Variants in DERA observed in about 807,000 individuals in gnomAD.
DERA encodes 2-deoxy-D-ribose 5-phosphate aldolase.
A neutral mutation model predicts 41.1 loss-of-function variants in DERA; 15 were observed. That is an observed-to-expected ratio of 0.37 (90% CI 0.24 to 0.56). The LOEUF is 0.56. Among genes scored for constraint, DERA ranks in the 20% least tolerant of loss-of-function variants. DERA has a pLI of 0.81. For synonymous variants in DERA, 139 were observed against 137.4 expected (o/e 1.01, Z -0.08); for missense variants, 396 against 403.4 (o/e 0.98, Z 0.16).
At position 15,924,655 on chromosome 12, in the gene DERA, A is replaced by G. The variant is rs1781645124; in HGVS notation, c.31+13241A>G. Among the ~76,000 whole-genome samples the G allele has an allele frequency of 6.6e-6, 1 of 152,212 alleles. No homozygotes were observed. The highest frequency in any genetic ancestry group is 1.5e-5 in the Non-Finnish European group (1 of 68,036). On this transcript the variant is annotated intron_variant, in intron 1 of 8. Coordinates refer to ENST00000428559, the MANE Select transcript of DERA (RefSeq NM_015954.4). This position sits in a 1 kb window ranked among gnomAD's most constrained non-coding sequence, Gnocchi z 5.0. The stretch of plus-strand genomic sequence containing the variant: ...TTAGTGAGACTATTAAGTGAGATAT[A>G]TAATTAAATTACCTTTAACTTGATG...
chr12:15,971,868 G>A (rs1470587003), intron 5 of DERA: 1 of 313,016 alleles, frequency 3.2e-6, no homozygotes, highest in Non-Finnish European at 6.3e-6. Flanking sequence ...AGTGAACAAG[G>A]CCAGCAGATT....
chr12:15,978,995 A>C (rs1366722594), intron 5 of DERA, among the ~76,000 whole-genome samples: 1 of 152,222 alleles, frequency 6.6e-6, no homozygotes, highest in African/African-American at 2.4e-5. Context: ...TTTAGAGTTA[A>C]GTAACTTACC....
chr12:15,911,658 A>T lies in DERA; in HGVS notation c.31+244A>T, dbSNP rs765928610. 1.4e-6 allele frequency: 1 copy of T among 692,324 alleles called. No homozygotes were observed. Among genetic ancestry groups the T allele is most frequent in the South Asian group, 1.5e-5 (1 of 66,662 alleles). The allele number at this position is 692,324 out of a possible 1,614,324, so 42.9% of individuals were successfully genotyped here. ...TGCGGAAGGAGTAGGAAAGGGTTAGATTATTATCTTCCTGCCTTTTCGTTC... is the reference window on the plus strand; with the variant it reads ...TGCGGAAGGAGTAGGAAAGGGTTAGTTTATTATCTTCCTGCCTTTTCGTTC... On this transcript the variant is annotated intron_variant, in intron 1 of 8. Transcript: ENST00000428559. The surrounding 1 kb of genome is among the most constrained non-coding windows in gnomAD (Gnocchi z 4.5).
At position 16,016,791 on chromosome 12, in the gene DERA, CAAAAAAAAAAA is replaced by C. The variant is rs55996641; in HGVS notation, c.638-15734_638-15724del. 5.3e-4 allele frequency among the ~76,000 whole-genome samples: 31 copies of C among 58,674 alleles called. 1 individual carries two copies. In the South Asian group the frequency reaches 7.4e-3, roughly 14 times the overall value. 38.5% of individuals were successfully genotyped at this position (58,674 alleles called of 152,430 possible). A position where few individuals can be genotyped will look rare whatever the true frequency, so the allele number is the denominator to read the frequency against. On this transcript the variant is annotated intron_variant, in intron 6 of 8. Coordinates refer to ENST00000428559, the MANE Select transcript of DERA (RefSeq NM_015954.4). Reference sequence around the variant, plus strand: ...TGGGCGACAGAGTGAGACCCTGTCTCAAAAAAAAAAAAAAAAAAAAAAAAAAAGAAAGAAAG... The same window carrying C: ...TGGGCGACAGAGTGAGACCCTGTCTCAAAAAAAAAAAAAAAAGAAAGAAAG...
At chr12:15,930,593 T>A (rs1948320362) in intron 1 of DERA, among the ~76,000 whole-genome samples, 1 of 152,180 alleles carries the variant, frequency 6.6e-6, no homozygotes, top group Non-Finnish European at 1.5e-5. Context: ...AACACTTTTT[T>A]GTCGTTGCCA....
At chr12:16,027,074 A>G (rs1949058273) in intron 6 of DERA, among the ~76,000 whole-genome samples, 1 of 152,242 alleles carries the variant, frequency 6.6e-6, no homozygotes, top group Non-Finnish European at 1.5e-5. Context: ...CTGACAAGGC[A>G]TCTGACAAAT....
At position 15,911,573 on chromosome 12, in the gene DERA, A is replaced by G; in HGVS notation, c.31+159A>G. 2.6e-6 allele frequency: 2 copies of G among 780,742 alleles called. No individual in the cohort carries two copies. The highest frequency in any genetic ancestry group is 1.5e-5 in the South Asian group (1 of 65,238). The allele number at this position is 780,742 out of a possible 1,614,324, so 48.4% of individuals were successfully genotyped here. On this transcript the variant is annotated intron_variant, in intron 1 of 8. Coordinates refer to ENST00000428559, the MANE Select transcript of DERA (RefSeq NM_015954.4). This position sits in a 1 kb window ranked among gnomAD's most constrained non-coding sequence, Gnocchi z 4.5. ...CGTCTGGTCAGCCCTCACCCCAAGTAAAGGCCGAACCCGGCACGTTCGCGC... is the reference window on the plus strand; with the variant it reads ...CGTCTGGTCAGCCCTCACCCCAAGTGAAGGCCGAACCCGGCACGTTCGCGC...
intron 6 of DERA, among the ~76,000 whole-genome samples, chr12:15,986,895 G>A (rs934727972): frequency 1.0e-3 from 155 of 152,076 alleles, no homozygotes; most frequent in African/African-American, 3.6e-3. Context: ...GGTTTTATTC[G>A]TCTGAAAATG....
rs968344198 is a variant in DERA, at chr12:15,970,473, G to C, written c.508+7526G>C. ...CAGAATACTTAGCAGATTGCCAGCC[G>C]CTTCAAAATTGAGAAGATACCGTCC... On this transcript the variant is annotated intron_variant, in intron 5 of 8. Transcript: ENST00000428559. The surrounding 1 kb of genome is among the most constrained non-coding windows in gnomAD (Gnocchi z 4.3). Among the ~76,000 whole-genome samples, 1 of 152,076 alleles carries C rather than the reference G, an allele frequency of 6.6e-6. No individual in the cohort carries two copies. The highest frequency in any genetic ancestry group is 2.4e-5 in the African/African-American group (1 of 41,416).
In DERA at chr12:15,957,516, G is replaced by A. The variant is rs186244181; in HGVS notation, c.129+483G>A. ...AAATGATGTTTCGTAGAGTACTTGCGGTCAGCATTTTCTTCAGTGTATCCC... is the reference window on the plus strand; with the variant it reads ...AAATGATGTTTCGTAGAGTACTTGCAGTCAGCATTTTCTTCAGTGTATCCC... On this transcript the variant is annotated intron_variant, in intron 2 of 8. Coordinates refer to ENST00000428559, the MANE Select transcript of DERA (RefSeq NM_015954.4). The surrounding 1 kb of genome is among the most constrained non-coding windows in gnomAD (Gnocchi z 4.8). Among the ~76,000 whole-genome samples, 155 of 152,146 alleles carry A rather than the reference G, an allele frequency of 1.0e-3. 2 individuals carry two copies. The East Asian group carries it at 0.027, about 26-fold the overall frequency.
In DERA at chr12:16,036,423, T is replaced by C; in HGVS notation, c.900+42T>C. The C allele has an allele frequency of 6.5e-7, 1 of 1,549,540 alleles. No individual in the cohort carries two copies. Among genetic ancestry groups the C allele is most frequent in the South Asian group, 1.2e-5 (1 of 81,246 alleles). ...GTCTTTGGAATAAATTAACAAGTGT[T>C]TTTTGAGAAAGGAATTGAAAAGTCA... On this transcript the variant is annotated intron_variant, in intron 8 of 8. Coordinates refer to ENST00000428559, the MANE Select transcript of DERA (RefSeq NM_015954.4). This position sits in a 1 kb window ranked among gnomAD's most constrained non-coding sequence, Gnocchi z 4.9.
chr12:15,943,811 G>A lies in DERA; in HGVS notation c.32-13125G>A, dbSNP rs1948426138. 1.3e-5 allele frequency among the ~76,000 whole-genome samples: 2 copies of A among 151,418 alleles called. No homozygotes were observed. The highest frequency in any genetic ancestry group is 2.4e-5 in the African/African-American group (1 of 41,238). On this transcript the variant is annotated intron_variant, in intron 1 of 8. Coordinates refer to ENST00000428559, the MANE Select transcript of DERA (RefSeq NM_015954.4). This position sits in a 1 kb window ranked among gnomAD's most constrained non-coding sequence, Gnocchi z 4.5. ...TGTTACATGTGTATACATGTGCCATGTTGGTGTGCTGTAGCCATTAACTCG... is the reference window on the plus strand; with the variant it reads ...TGTTACATGTGTATACATGTGCCATATTGGTGTGCTGTAGCCATTAACTCG...
intron 5 of DERA, among the ~76,000 whole-genome samples, chr12:15,979,804 A>G (rs1386227317): frequency 6.6e-6 from 1 of 152,244 alleles, no homozygotes; most frequent in Admixed American, 6.5e-5. Flanking sequence ...TGACTGAATC[A>G]TAAAATACCT....
Position 15,998,167 on chromosome 12 carries a change from A to G in DERA, c.637+15731A>G, listed in dbSNP as rs1298474978. On this transcript the variant is annotated intron_variant, in intron 6 of 8. Coordinates refer to ENST00000428559, the MANE Select transcript of DERA (RefSeq NM_015954.4). The surrounding 1 kb of genome is among the most constrained non-coding windows in gnomAD (Gnocchi z 4.8). ...TCTTCCTACCAGAGATTGTGATTTC[A>G]GGGGTCATGAACGGAGCCAAGGAAA... 1.3e-5 allele frequency among the ~76,000 whole-genome samples: 2 copies of G among 152,194 alleles called. No homozygotes were observed. Among genetic ancestry groups the G allele is most frequent in the Non-Finnish European group, 2.9e-5 (2 of 68,030 alleles).
rs1948955320 is a variant in DERA at position 16,012,796 on chromosome 12, A to T, written c.638-19746A>T. Among the ~76,000 whole-genome samples the T allele has an allele frequency of 6.6e-6, 1 of 152,240 alleles. No homozygotes were observed. The highest frequency in any genetic ancestry group is 6.5e-5 in the Admixed American group (1 of 15,280). On this transcript the variant is annotated intron_variant, in intron 6 of 8. Coordinates refer to ENST00000428559, the MANE Select transcript of DERA (RefSeq NM_015954.4). This position sits in a 1 kb window ranked among gnomAD's most constrained non-coding sequence, Gnocchi z 4.1. Reference sequence around the variant, plus strand: ...TTGAACAGATATATTTAATTTAAAAATTTTTAATAACCACATTAATTAAAT... The same window carrying T: ...TTGAACAGATATATTTAATTTAAAATTTTTTAATAACCACATTAATTAAAT...
Position 15,936,886 on chromosome 12 carries a change from T to TTGTCCTGTCC in DERA, c.32-20010_32-20001dup, listed in dbSNP as rs71438363. ...TTGTCTTGTCTTGTCTTGTCTTGTCTTGTCCTGTCCTGTCCTGTCCTGTCC... is the reference window on the plus strand; with the variant it reads ...TTGTCTTGTCTTGTCTTGTCTTGTCTTGTCCTGTCCTGTCCTGTCCTGTCCTGTCCTGTCC... On this transcript the variant is annotated intron_variant, in intron 1 of 8. Coordinates refer to ENST00000428559, the MANE Select transcript of DERA (RefSeq NM_015954.4). The surrounding 1 kb of genome is among the most constrained non-coding windows in gnomAD (Gnocchi z 4.6). 7.7e-4 allele frequency among the ~76,000 whole-genome samples: 106 copies of TTGTCCTGTCC among 136,930 alleles called. No individual in the cohort carries two copies. Among genetic ancestry groups the TTGTCCTGTCC allele is most frequent in the African/African-American group, 3.1e-3 (97 of 31,270 alleles). 89.8% of individuals were successfully genotyped at this position (136,930 alleles called of 152,430 possible). A position where few individuals can be genotyped will look rare whatever the true frequency, so the allele number is the denominator to read the frequency against.
rs1009386369 is a variant in DERA at position 15,940,958 on chromosome 12, A to G, written c.32-15978A>G. Among the ~76,000 whole-genome samples, 4 of 152,258 alleles carry G rather than the reference A, an allele frequency of 2.6e-5. No homozygotes were observed. Among genetic ancestry groups the G allele is most frequent in the African/African-American group, 9.6e-5 (4 of 41,468 alleles). The stretch of plus-strand genomic sequence containing the variant: ...TTGAAAAACATTTTGTGCAAATTGC[A>G]GATAATCAACTTTCCTGAGAAATGG... On this transcript the variant is annotated intron_variant, in intron 1 of 8. Coordinates refer to ENST00000428559, the MANE Select transcript of DERA (RefSeq NM_015954.4). The surrounding 1 kb of genome is among the most constrained non-coding windows in gnomAD (Gnocchi z 5.1).
rs775100799 is a variant in DERA at position 16,019,730 on chromosome 12, G to T, written c.638-12812G>T. On this transcript the variant is annotated intron_variant, in intron 6 of 8. Transcript: ENST00000428559. The surrounding 1 kb of genome is among the most constrained non-coding windows in gnomAD (Gnocchi z 4.4). Reference sequence around the variant, plus strand: ...TCCATCTGTTCCATGAAGCCTTCCCGTATTATTCTAGCTAAAGTTATTTCT... The same window carrying T: ...TCCATCTGTTCCATGAAGCCTTCCCTTATTATTCTAGCTAAAGTTATTTCT... Among the ~76,000 whole-genome samples the T allele has an allele frequency of 1.1e-4, 17 of 152,010 alleles. No individual in the cohort carries two copies. The highest frequency in any genetic ancestry group is 4.1e-4 in the South Asian group (2 of 4,824).
At position 16,036,259 on chromosome 12, in the gene DERA, C is replaced by T. The variant is rs75505542; in HGVS notation, c.778C>T (p.Arg260Cys). The change falls in exon 8 of 9, where the codon CGC becomes TGC. Residue 260 changes from arginine to cysteine, a missense_variant. Coordinates refer to ENST00000428559, the MANE Select transcript of DERA (RefSeq NM_015954.4). The surrounding 1 kb of genome is among the most constrained non-coding windows in gnomAD (Gnocchi z 4.9). ...KIGFKPAGGI[R>C]SAKDSLAWLS... ...AGGGTTTAAACCAGCAGGAGGCATCCGCAGTGCAAAGGATTCCCTTGCTTG... is the reference window on the plus strand; with the variant it reads ...AGGGTTTAAACCAGCAGGAGGCATCTGCAGTGCAAAGGATTCCCTTGCTTG... 45 of 1,612,442 alleles carry T rather than the reference C, an allele frequency of 2.8e-5. No individual in the cohort carries two copies. The African/African-American group carries it at 4.7e-4, about 17-fold the overall frequency.
Sources: gnomAD v4.1 joint callset for allele counts (sites outside exome capture counted in the v4.1 genomes callset) on GRCh38, gnomAD v4.1.1 for gene constraint, Gnocchi (gnomAD v3.1) non-coding constraint, MANE v1.5 for transcripts, NCBI Gene and HGNC (gene_info 2026-07-23, HGNC 2026-07-21) for gene names.